Variants in SUCLG2 observed in about 807,000 individuals in gnomAD.
The protein encoded by SUCLG2 is succinate-CoA ligase GDP-forming subunit beta, also known as succinate--CoA ligase [GDP-forming] subunit beta, mitochondrial.
A neutral mutation model predicts 47.9 loss-of-function variants in SUCLG2; 42 were observed. The ratio of observed to expected loss-of-function variants is 0.88; its 90% CI spans 0.69 to 1.14. The LOEUF (loss-of-function observed/expected upper bound fraction) is 1.14. SUCLG2 is among the 50% of genes most tolerant of loss of function. The pLI, the probability that SUCLG2 is intolerant of heterozygous loss-of-function variation, is 0.00. For synonymous variants in SUCLG2, 195 were observed against 197.3 expected (o/e 0.99, Z 0.10); for missense variants, 571 against 525.9 (o/e 1.09, Z -0.84).
At chr3:67,360,541 C>G in exon 11 of SUCLG2, 1 of 1,344,072 alleles carries the variant, frequency 7.4e-7, no homozygotes, top group Non-Finnish European at 9.8e-7. Context: ...TAGCATGCAG[C>G]TGAACCCAAA....
intron 2 of SUCLG2, among the ~76,000 whole-genome samples, chr3:67,587,148 A>G (rs928992855): frequency 2.0e-5 from 3 of 152,164 alleles, no homozygotes; most frequent in Admixed American, 6.5e-5. Flanking sequence ...CAGAATGGGG[A>G]ACTGAGCTAA....
intron 1 of SUCLG2, among the ~76,000 whole-genome samples, chr3:67,632,969 T>A (rs754786419): frequency 6.6e-6 from 1 of 152,228 alleles, no homozygotes; most frequent in African/African-American, 2.4e-5. Context: ...AAGAACTCAT[T>A]TGATCTTTCA....
intron 9 of SUCLG2, among the ~76,000 whole-genome samples, chr3:67,486,686 G>C (rs1410462035): frequency 6.6e-6 from 1 of 152,062 alleles, no homozygotes. Context: ...CTGACACTTA[G>C]GAATGCTAGA....
chr3:67,494,813 G>C (rs984528024), intron 9 of SUCLG2, among the ~76,000 whole-genome samples: 1 of 152,128 alleles, frequency 6.6e-6, no homozygotes, highest in Non-Finnish European at 1.5e-5. Context: ...ATCTACAGGT[G>C]AAACAAAGCA....
intron 9 of SUCLG2, among the ~76,000 whole-genome samples, chr3:67,437,347 C>A (rs1348652046): frequency 6.6e-6 from 1 of 152,126 alleles, no homozygotes; most frequent in Non-Finnish European, 1.5e-5. Context: ...AAAATACAAT[C>A]CTGTGTTAAA....
rs531503865 is a variant in SUCLG2, at chr3:67,520,036, A to C, written c.570+446T>G. Among the ~76,000 whole-genome samples the C allele has an allele frequency of 1.9e-4, 29 of 152,352 alleles. No individual in the cohort carries two copies. In the South Asian group the frequency reaches 5.6e-3, roughly 29 times the overall value. Reference sequence around the variant, plus strand: ...AGACTTCATAAAGATTCTAGTTTACATCAAGAGTACTGAGAGAACTCAAGA... The same window carrying C: ...AGACTTCATAAAGATTCTAGTTTACCTCAAGAGTACTGAGAGAACTCAAGA... On this transcript the variant is annotated intron_variant, in intron 5 of 10. Transcript: ENST00000307227.
chr3:67,619,511 G>C (rs1243548288), intron 1 of SUCLG2, among the ~76,000 whole-genome samples: 1 of 152,158 alleles, frequency 6.6e-6, no homozygotes, highest in South Asian at 2.1e-4. Context: ...GAAGCAGGAG[G>C]CTCTGGTTTA....
intron 7 of SUCLG2, among the ~76,000 whole-genome samples, chr3:67,505,519 A>G (rs1321689190): frequency 1.3e-5 from 2 of 152,270 alleles, no homozygotes. Context: ...AAAATTCCCT[A>G]TGGGTGACTT....
chr3:67,453,074 C>T (rs1351966524), intron 9 of SUCLG2, among the ~76,000 whole-genome samples: 1 of 152,160 alleles, frequency 6.6e-6, no homozygotes, highest in East Asian at 1.9e-4. Flanking sequence ...GCGTGCCCAA[C>T]ATCTTCAGCA....
intron 1 of SUCLG2, among the ~76,000 whole-genome samples, chr3:67,648,881 C>T (rs768306529): frequency 2.6e-5 from 4 of 152,266 alleles, no homozygotes; most frequent in South Asian, 2.1e-4. Context: ...ATACCAACTC[C>T]GGCCAGCTGG....
At chr3:67,575,020 T>C (rs375874178) in intron 2 of SUCLG2, among the ~76,000 whole-genome samples, 15 of 152,296 alleles carry the variant, frequency 9.8e-5, no homozygotes, top group South Asian at 4.1e-4. Context: ...CTCTACCTAC[T>C]ACAGTAGTTA....
chr3:67,626,037 T>C (rs77146656), intron 1 of SUCLG2, among the ~76,000 whole-genome samples: 1 of 152,010 alleles, frequency 6.6e-6, no homozygotes, highest in Non-Finnish European at 1.5e-5. Context: ...TTTTTTTTTT[T>C]TGAGATGAGT....
intron 1 of SUCLG2, among the ~76,000 whole-genome samples, chr3:67,649,684 C>G (rs528167629): frequency 1.3e-5 from 2 of 152,182 alleles, no homozygotes; most frequent in African/African-American, 4.8e-5. Flanking sequence ...CAAGATTAAT[C>G]TCCAAATTTC....
intron 9 of SUCLG2, among the ~76,000 whole-genome samples, chr3:67,448,790 A>G (rs1437055507): frequency 1.3e-5 from 2 of 152,244 alleles, no homozygotes; most frequent in African/African-American, 4.8e-5. Context: ...TTTAAACTGC[A>G]TGAAAAAACA....
rs555508991 is a variant in SUCLG2, at chr3:67,408,110, G to T, written c.1063-7259C>A. On this transcript the variant is annotated intron_variant, in intron 9 of 10. Coordinates refer to ENST00000307227, the MANE Select transcript of SUCLG2 (RefSeq NM_003848.4). The stretch of plus-strand genomic sequence containing the variant: ...AATAAACCAACAGATTGGTTCGATT[G>T]GGACCAGATTTGCCTTCTGCTGAAA... Among the ~76,000 whole-genome samples, 4 of 152,242 alleles carry T rather than the reference G, an allele frequency of 2.6e-5. No homozygotes were observed. In the South Asian group the frequency reaches 8.3e-4, roughly 32 times the overall value.
chr3:67,453,846 T>C (rs1704116387), intron 9 of SUCLG2, among the ~76,000 whole-genome samples: 1 of 152,188 alleles, frequency 6.6e-6, no homozygotes, highest in Non-Finnish European at 1.5e-5. Context: ...GACCATCCAG[T>C]TGAAACATAA....
At chr3:67,545,874 T>A (rs1420915984) in intron 2 of SUCLG2, among the ~76,000 whole-genome samples, 1 of 152,298 alleles carries the variant, frequency 6.6e-6, no homozygotes, top group African/African-American at 2.4e-5. Context: ...CCACATTTAC[T>A]TCAAATTCTA....
At chr3:67,378,188 A>G (rs1210643416) in intron 10 of SUCLG2, among the ~76,000 whole-genome samples, 1 of 152,228 alleles carries the variant, frequency 6.6e-6, no homozygotes, top group African/African-American at 2.4e-5. Context: ...AATGGTTTTC[A>G]AAGATCAATC....
intron 2 of SUCLG2, among the ~76,000 whole-genome samples, chr3:67,588,284 A>G (rs1708075998): frequency 6.6e-6 from 1 of 152,198 alleles, no homozygotes; most frequent in Non-Finnish European, 1.5e-5. Context: ...GTCCTTTGCT[A>G]TCAAAAAATT....
Sources: gnomAD v4.1 joint callset for allele counts (sites outside exome capture counted in the v4.1 genomes callset) on GRCh38, gnomAD v4.1.1 for gene constraint, MANE v1.5 for transcripts, NCBI Gene and HGNC (gene_info 2026-07-23, HGNC 2026-07-21) for gene names.